The following BICDL2 variants were observed in gnomAD, a reference collection of about 807,000 sequenced individuals.
BICDL2 encodes the protein BICD family-like cargo adapter 2.
In BICDL2, 62 loss-of-function variants were observed where a neutral mutation model predicts 56.6. The observed-to-expected ratio is 1.10, with a 90% CI of 0.89 to 1.35. BICDL2 has a LOEUF of 1.35. BICDL2 is among the 40% of genes most tolerant of loss of function. BICDL2 has a pLI of 0.00. For missense variants in BICDL2, 808 were observed against 684.5 expected, an observed-to-expected ratio of 1.18 and a Z score of -2.01; for synonymous variants, 358 against 319.8, an observed-to-expected ratio of 1.12 and a Z score of -1.27.
At chr16:3,034,569 A>T (rs897831812) in intron 2 of BICDL2, among the ~76,000 whole-genome samples, 1 of 152,052 alleles carries the variant, frequency 6.6e-6, no homozygotes, top group Non-Finnish European at 1.5e-5. Context: ...GGTGTGAGCC[A>T]CCATGCCTGG....
intron 8 of BICDL2, 54 bp downstream of exon 8, chr16:3,028,646 A>AGCCCAGGAGG (rs1955597051): frequency 1.3e-6 from 2 of 1,539,950 alleles, no homozygotes; most frequent in Non-Finnish European, 1.8e-6. Context: ...AGGAATCAGG[A>AGCCCAGGAGG]GCCCAGGAGG....
At chr16:3,036,446 C>G (rs7206805) in intron 1 of BICDL2, 169,949 of 455,992 alleles carry the variant, frequency 0.37, 32,858 homozygotes, top group Admixed American at 0.43. Flanking sequence ...CCTCCGGGGG[C>G]TCACCACCCA....
chr16:3,036,381 G>A (rs760048850), intron 1 of BICDL2: 1 of 450,720 alleles, frequency 2.2e-6, no homozygotes, highest in Non-Finnish European at 4.5e-6. Context: ...CTCAGGGGCT[G>A]GGGTTCAGGG....
chr16:3,027,738 TC>T lies in BICDL2; in HGVS notation c.*367del. ...TTTTTTTTTTTTTTACAATAAAGTT[TC>T]AGGCTTTTTTACCATGCTCTTTCTT... On this transcript the variant is annotated 3_prime_UTR_variant, in exon 10 of 10. Transcript: ENST00000572449. 1 of 1,460,576 alleles carries T rather than the reference TC, an allele frequency of 6.8e-7. No homozygotes were observed. The highest frequency in any genetic ancestry group is 9.2e-7 in the Non-Finnish European group (1 of 1,088,196). The allele number at this position is 1,460,576 out of a possible 1,614,324, so 90.5% of individuals were successfully genotyped here. A position where few individuals can be genotyped will look rare whatever the true frequency, so the allele number is the denominator to read the frequency against.
intron 2 of BICDL2, chr16:3,032,310 C>A (rs2151143233): frequency 6.6e-6 from 1 of 152,412 alleles, no homozygotes; most frequent in East Asian, 1.9e-4. Context: ...AGAGGCAACA[C>A]AGCTTCAGGA....
At position 3,031,069 on chromosome 16, in the gene BICDL2, C is replaced by T; in HGVS notation, c.364G>A (p.Glu122Lys). The change falls in exon 3 of 10, where the codon GAG (glutamate) becomes AAG (lysine). Residue 122 changes from glutamate (E) to lysine (K), a missense_variant. By Grantham distance (56) the Glu-to-Lys change is moderately conservative (BLOSUM62 1). Coordinates refer to ENST00000572449, the MANE Select transcript of BICDL2 (RefSeq NM_001369667.1). ...AEWEARAVEL[E>K]GDVEALRAQL... ...GCCCGCAGGGCCTCCACGTCCCCCT[C>T]CAGCTCCACGGCCCGGGCCTCCCAC... 1 of 1,537,564 alleles carries T rather than the reference C, an allele frequency of 6.5e-7. No homozygotes were observed. The highest frequency in any genetic ancestry group is 8.7e-7 in the Non-Finnish European group (1 of 1,146,928).
intron 2 of BICDL2, 49 bp from the exon 3 acceptor site, chr16:3,031,199 C>G: frequency 6.7e-7 from 1 of 1,485,932 alleles, no homozygotes; most frequent in Non-Finnish European, 9.0e-7. Flanking sequence ...ACCGATGAGA[C>G]TGGGCAGGCA....
chr16:3,035,467 C>A lies in BICDL2; in HGVS notation c.30G>T (p.Pro10=), dbSNP rs372212421. The A allele has an allele frequency of 1.2e-6, 2 of 1,611,174 alleles. No homozygotes were observed. Among genetic ancestry groups the A allele is most frequent in the African/African-American group, 1.3e-5 (1 of 74,802 alleles). The change falls in exon 2 of 10, where the codon CCG becomes CCT. Residue 10 remains proline (P), a synonymous_variant. Coordinates refer to ENST00000572449, the MANE Select transcript of BICDL2 (RefSeq NM_001369667.1). MSSPDGPSF[P]SGPLSGGASP... ...AGGCGCCCCCTGAGAGCGGCCCGGA[C>A]GGGAAGCTGGGCCCATCTGGAGAGC...
chr16:3,033,962 C>A (rs1955692476), intron 2 of BICDL2, among the ~76,000 whole-genome samples: 8 of 152,130 alleles, frequency 5.3e-5, no homozygotes, highest in Admixed American at 5.2e-4. Context: ...AGAGGGTTAG[C>A]TACCCAGGTC....
chr16:3,034,913 A>C, intron 2 of BICDL2: 1 of 367,498 alleles, frequency 2.7e-6, no homozygotes, highest in Non-Finnish European at 5.0e-6. Context: ...GAGTCTCACT[A>C]CGTTGCCCAG....
chr16:3,028,051 C>T lies in BICDL2; in HGVS notation c.*55G>A, dbSNP rs1955572307. 1.4e-6 allele frequency: 2 copies of T among 1,395,688 alleles called. No individual in the cohort carries two copies. Among genetic ancestry groups the T allele is most frequent in the Non-Finnish European group, 1.9e-6 (2 of 1,076,874 alleles). 86.5% of individuals were successfully genotyped at this position (1,395,688 alleles called of 1,614,324 possible). ...ATCTGGGCCCTGTCGCTCCATTGGC[C>T]TGAAGAGGAAAGTGAGCCCCTAAGT... On this transcript the variant is annotated 3_prime_UTR_variant, in exon 10 of 10. Transcript: ENST00000572449.
intron 1 of BICDL2, chr16:3,035,741 C>G (rs761632814): frequency 3.8e-5 from 21 of 559,256 alleles, no homozygotes; most frequent in African/African-American, 7.5e-5. Flanking sequence ...ACCTGCCCAG[C>G]CTTTGGCCTC....
intron 2 of BICDL2, 21 bp downstream of exon 2, chr16:3,035,194 C>A: frequency 2.7e-6 from 1 of 371,194 alleles, no homozygotes; most frequent in South Asian, 2.1e-5. Context: ...CACCCACCCA[C>A]CCCGTCCAGT....
At chr16:3,031,835 A>T (rs887175926) in intron 2 of BICDL2, 7 of 301,756 alleles carry the variant, frequency 2.3e-5, no homozygotes, top group Non-Finnish European at 4.2e-5. Context: ...CTAGAGGGAG[A>T]ATCACTAACG....
rs774847549 is a variant in BICDL2 at position 3,035,325 on chromosome 16, CCTT to C, written c.169_171del (p.Lys57del). The C allele has an allele frequency of 2.0e-5, 31 of 1,586,200 alleles. No homozygotes were observed. In the African/African-American group the frequency reaches 2.4e-4, roughly 12 times the overall value. ...TCCGCGGCCAACAGCAGGTCTTTCT[CCTT>C]CTGCTGCAGCTGCAAGGCTAGGTCC... On this transcript the variant is annotated inframe_deletion, in exon 2 of 10. Transcript: ENST00000572449.
Position 3,031,170 on chromosome 16 carries a change from G to A in BICDL2, c.283-20C>T. 1.3e-6 allele frequency: 2 copies of A among 1,532,006 alleles called. No homozygotes were observed. Among genetic ancestry groups the A allele is most frequent in the Non-Finnish European group, 1.7e-6 (2 of 1,144,624 alleles). The allele number at this position is 1,532,006 out of a possible 1,614,324, so 94.9% of individuals were successfully genotyped here. On this transcript the variant is annotated intron_variant, in intron 2 of 9. Transcript: ENST00000572449. ...GAGCCGCTGTGGGGGCCAGGGCAGA[G>A]GGACAGAGGCAGAGAGGCACCGATG...
In BICDL2 at chr16:3,028,192, G is replaced by A. The variant is rs763316533; in HGVS notation, c.1441C>T (p.Pro481Ser). ...ELSASASSST[P>S]RRAAPRFSLR... Reference sequence around the variant, plus strand: ...GAGAAGCGGGGCGCGGCACGGCGCGGGGTCGACGACGACGCGGAGGCGCTC... The same window carrying A: ...GAGAAGCGGGGCGCGGCACGGCGCGAGGTCGACGACGACGCGGAGGCGCTC... The change falls in exon 10 of 10, where the codon CCG becomes TCG. Residue 481 changes from proline to serine, a missense_variant. Transcript: ENST00000572449. 35 of 1,461,520 alleles carry A rather than the reference G, an allele frequency of 2.4e-5. No homozygotes were observed. The Admixed American group carries it at 3.5e-4, about 15-fold the overall frequency. 90.5% of individuals were successfully genotyped at this position (1,461,520 alleles called of 1,614,324 possible).
Position 3,030,713 on chromosome 16 carries a change from C to G in BICDL2, c.598G>C (p.Glu200Gln), listed in dbSNP as rs1477166502. Residue 200 changes from glutamate (E) to glutamine (Q), a missense_variant, in exon 4 of 10, where the codon GAG becomes CAG. Coordinates refer to ENST00000572449, the MANE Select transcript of BICDL2 (RefSeq NM_001369667.1). Reference sequence around the variant, plus strand: ...ACACTCACTTCCCCCTGCAGACTCTCCAGCCGCGTCCTCAGCTCTGCTCCA... The same window carrying G: ...ACACTCACTTCCCCCTGCAGACTCTGCAGCCGCGTCCTCAGCTCTGCTCCA... Reference protein sequence around the residue: ...LAGAELRTRLESLQGENQMLQ... With the variant: ...LAGAELRTRLQSLQGENQMLQ... 1 of 1,611,964 alleles carries G rather than the reference C, an allele frequency of 6.2e-7. No homozygotes were observed. Among genetic ancestry groups the G allele is most frequent in the Non-Finnish European group, 8.5e-7 (1 of 1,179,700 alleles).
At position 3,029,345 on chromosome 16, in the gene BICDL2, T is replaced by G. The variant is rs1174582727; in HGVS notation, c.1042A>C (p.Thr348Pro). ...AGTATCTCCGCTGGACTGAGGGATG[T>G]TCGCTTCTTGGGGGGCTCTAAGATC... is the stretch of plus-strand genomic sequence containing the variant. Reference protein sequence around the residue: ...EEILEPPKKRTSLSPAEILEE... With the variant: ...EEILEPPKKRPSLSPAEILEE... Residue 348 changes from threonine to proline, a missense_variant, in exon 7 of 10, where the codon ACA becomes CCA. Physicochemically the swap from Thr to Pro is conservative, Grantham distance 38. Transcript: ENST00000572449. 6.3e-7 allele frequency: 1 copy of G among 1,583,448 alleles called. No individual in the cohort carries two copies.
Sources: allele counts gnomAD v4.1 joint callset (sites outside exome capture counted in the v4.1 genomes callset), GRCh38; gene constraint gnomAD v4.1.1; transcripts MANE v1.5; gene names NCBI Gene and HGNC (gene_info 2026-07-23, HGNC 2026-07-21).